WWOX: variants seen among roughly 807,000 people sequenced by gnomAD.
WWOX encodes the protein WW domain containing oxidoreductase.
WWOX carries 69 observed loss-of-function variants against 46.2 expected under a neutral mutation model. The ratio of observed to expected loss-of-function variants is 1.49; its 90% CI spans 1.23 to 1.82. The LOEUF is 1.82. Among genes scored for constraint, WWOX ranks in the 40% most tolerant of loss-of-function variants. The pLI, the probability that WWOX is intolerant of heterozygous loss-of-function variation, is 0.00. For missense variants in WWOX, 919 were observed against 542.6 expected, an observed-to-expected ratio of 1.69 and a Z score of -6.89; for synonymous variants, 359 against 202.6, an observed-to-expected ratio of 1.77 and a Z score of -6.56.
chr16:78,429,133 T>C (rs2083156946), intron 7 of WWOX, among the ~76,000 whole-genome samples: 1 of 152,216 alleles, frequency 6.6e-6, no homozygotes, highest in South Asian at 2.1e-4. Flanking sequence ...TCAAGAATCT[T>C]ACAGTCTACT....
chr16:79,091,250 C>G (rs1004648766), intron 8 of WWOX, among the ~76,000 whole-genome samples: 9 of 152,122 alleles, frequency 5.9e-5, no homozygotes, highest in Non-Finnish European at 1.3e-4. Context: ...AAACAAAAAA[C>G]TAAGTAGTAG....
intron 8 of WWOX, among the ~76,000 whole-genome samples, chr16:78,451,957 C>CT (rs1378623310): frequency 6.6e-6 from 1 of 152,126 alleles, no homozygotes; most frequent in Admixed American, 6.5e-5. Context: ...TCAACACTGT[C>CT]TTTTTTCAGG....
intron 8 of WWOX, among the ~76,000 whole-genome samples, chr16:79,132,812 G>C (rs1318459301): frequency 6.6e-6 from 1 of 152,194 alleles, no homozygotes; most frequent in East Asian, 1.9e-4. Flanking sequence ...TCAAAAGAGA[G>C]TGTCCCAATT....
In WWOX at chr16:78,902,336, G is replaced by C. The variant is rs1016369245; in HGVS notation, c.1057-309272G>C. ...ATTACAGGAATGAAAAGTGTTCTGA[G>C]GCATATTATTCCCAGGGTAAAGAGT... On this transcript the variant is annotated intron_variant, in intron 8 of 8. Transcript: ENST00000566780. 2.0e-5 allele frequency among the ~76,000 whole-genome samples: 3 copies of C among 152,222 alleles called. No individual in the cohort carries two copies. The East Asian group carries it at 5.8e-4, about 29-fold the overall frequency.
At chr16:78,175,573 G>A (rs150548490) in intron 5 of WWOX, among the ~76,000 whole-genome samples, 14 of 152,228 alleles carry the variant, frequency 9.2e-5, no homozygotes, top group African/African-American at 3.4e-4. Context: ...CCTGAGGTGA[G>A]GCCCATGCAA....
chr16:78,423,970 C>G (rs2083014465), intron 6 of WWOX, among the ~76,000 whole-genome samples: 1 of 151,914 alleles, frequency 6.6e-6, no homozygotes. Context: ...AATTCTGTAT[C>G]CTTAAACAAC....
chr16:78,955,169 G>A (rs910724000), intron 8 of WWOX, among the ~76,000 whole-genome samples: 1 of 152,168 alleles, frequency 6.6e-6, no homozygotes, highest in Non-Finnish European at 1.5e-5. Context: ...AGGGTCACCT[G>A]GAGGAGAGAC....
At chr16:78,389,931 G>A (rs2082144734) in intron 6 of WWOX, among the ~76,000 whole-genome samples, 1 of 152,084 alleles carries the variant, frequency 6.6e-6, no homozygotes, top group African/African-American at 2.4e-5. Context: ...TGTATTTTCT[G>A]TAGAGATGAG....
chr16:78,380,846 T>C (rs981829210), intron 5 of WWOX, among the ~76,000 whole-genome samples: 1 of 152,146 alleles, frequency 6.6e-6, no homozygotes, highest in Non-Finnish European at 1.5e-5. Context: ...GTTATTAATA[T>C]GCATTATTAT....
chr16:78,598,656 C>A (rs142911548), intron 8 of WWOX, among the ~76,000 whole-genome samples: 88 of 152,236 alleles, frequency 5.8e-4, no homozygotes, highest in African/African-American at 1.9e-3. Context: ...AATCTCCTTT[C>A]AAAAATCACA....
chr16:78,765,320 T>A (rs956831824), intron 8 of WWOX, among the ~76,000 whole-genome samples: 1 of 152,188 alleles, frequency 6.6e-6, no homozygotes, highest in Non-Finnish European at 1.5e-5. Flanking sequence ...GGTAGAGGCG[T>A]TGAACACTAG....
At chr16:78,627,673 A>T (rs2046340798) in intron 8 of WWOX, among the ~76,000 whole-genome samples, 1 of 152,238 alleles carries the variant, frequency 6.6e-6, no homozygotes. Context: ...ATTGACAGGG[A>T]CAAGAAATAA....
intron 8 of WWOX, among the ~76,000 whole-genome samples, chr16:78,683,616 G>C (rs1310814583): frequency 6.6e-6 from 1 of 151,944 alleles, no homozygotes; most frequent in Non-Finnish European, 1.5e-5. Context: ...TGCCTAGGCT[G>C]GTCTTGAACT....
intron 8 of WWOX, among the ~76,000 whole-genome samples, chr16:78,562,494 G>A (rs1014131509): frequency 2.6e-5 from 4 of 152,174 alleles, no homozygotes; most frequent in Non-Finnish European, 4.4e-5. Flanking sequence ...CAGGTTCATG[G>A]AGGTACCCAT....
intron 8 of WWOX, among the ~76,000 whole-genome samples, chr16:78,985,399 C>T (rs1329949193): frequency 1.3e-5 from 2 of 152,144 alleles, no homozygotes; most frequent in African/African-American, 4.8e-5. Flanking sequence ...GTGTCAGGGT[C>T]CCCGTGCCAT....
chr16:78,169,562 C>G (rs1405377122), intron 5 of WWOX, among the ~76,000 whole-genome samples: 1 of 151,902 alleles, frequency 6.6e-6, no homozygotes, highest in Admixed American at 6.6e-5. Flanking sequence ...CCTCGACATT[C>G]CAGTGTAGAG....
At chr16:78,514,470 G>A (rs1016344380) in intron 8 of WWOX, among the ~76,000 whole-genome samples, 2 of 152,154 alleles carry the variant, frequency 1.3e-5, no homozygotes, top group Admixed American at 1.3e-4. Flanking sequence ...GCAGTGCAGT[G>A]AGCTAAAAAG....
At chr16:79,096,329 C>G (rs994105319) in intron 8 of WWOX, among the ~76,000 whole-genome samples, 6 of 152,158 alleles carry the variant, frequency 3.9e-5, no homozygotes, top group Non-Finnish European at 5.9e-5. Flanking sequence ...GAGTGCAAGC[C>G]ATGCTCTCGA....
In WWOX at chr16:78,887,516, C is replaced by CAT. The variant is rs1394404971; in HGVS notation, c.1057-324091_1057-324090insTA. ...ACACACACACACACACACACACACA[C>CAT]ACAAGAAATGACTACAGACACCTCA... On this transcript the variant is annotated intron_variant, in intron 8 of 8. Coordinates refer to ENST00000566780, the MANE Select transcript of WWOX (RefSeq NM_016373.4). Among the ~76,000 whole-genome samples the CAT allele has an allele frequency of 4.6e-4, 58 of 127,408 alleles. 1 individual carries two copies. Among genetic ancestry groups the CAT allele is most frequent in the African/African-American group, 1.5e-3 (49 of 32,056 alleles). The allele number at this position is 127,408 out of a possible 152,430, so 83.6% of individuals were successfully genotyped here. A position where few individuals can be genotyped will look rare whatever the true frequency, so the allele number is the denominator to read the frequency against.
Sources: gnomAD v4.1 joint callset for allele counts (sites outside exome capture counted in the v4.1 genomes callset) on GRCh38, gnomAD v4.1.1 for gene constraint, MANE v1.5 for transcripts, NCBI Gene and HGNC (gene_info 2026-07-23, HGNC 2026-07-21) for gene names.